Variants in ACTR3C observed in about 807,000 individuals in gnomAD.
ACTR3C encodes actin-related protein 3C.
ACTR3C carries 18 observed loss-of-function variants against 26.3 expected under a neutral mutation model. The observed-to-expected ratio is 0.68, with a 90% CI of 0.47 to 1.01. ACTR3C has a LOEUF of 1.01. Among genes scored for constraint, ACTR3C ranks in the 50% least tolerant of loss-of-function variants. ACTR3C has a pLI of 0.00. For synonymous variants in ACTR3C, 55 were observed against 94.5 expected (o/e 0.58, Z 2.42); for missense variants, 184 against 250.7 (o/e 0.73, Z 1.80).
the ACTR3C span, among the ~76,000 whole-genome samples, chr7:150,035,457 C>CG: frequency 2.1e-5 from 2 of 96,804 alleles, no homozygotes; most frequent in African/African-American, 8.1e-5. Context: ...GGGGTGCCTC[C>CG]CCCGTTGCGA....
the ACTR3C span, among the ~76,000 whole-genome samples, chr7:149,946,593 G>A: frequency 5.0e-3 from 759 of 152,254 alleles, 8 homozygotes; most frequent in African/African-American, 0.018. Context: ...AGTCAAGGTG[G>A]GTGCCCAAGT....
chr7:150,009,502 AT>A, the ACTR3C span, among the ~76,000 whole-genome samples: 3 of 152,366 alleles, frequency 2.0e-5, no homozygotes, highest in South Asian at 6.2e-4. Flanking sequence ...ATATGTCTGT[AT>A]TTAATAATCC....
At chr7:150,041,519 GGGTCTGGCTCTC>G in the ACTR3C span, 2 of 219,120 alleles carry the variant, frequency 9.1e-6, no homozygotes, top group African/African-American at 4.9e-5. Context: ...GGGGGGAAGA[GGGTCTGGCTCTC>G]AGTCCCCGCC....
At chr7:150,230,769 T>G in the ACTR3C span, among the ~76,000 whole-genome samples, 1 of 152,190 alleles carries the variant, frequency 6.6e-6, no homozygotes, top group East Asian at 1.9e-4. Flanking sequence ...TTTGTGGGCA[T>G]GCAGAGTTGT....
chr7:150,317,079 T>G (rs1207687890), intron 1 of ACTR3C, among the ~76,000 whole-genome samples: 1 of 152,000 alleles, frequency 6.6e-6, no homozygotes, highest in Non-Finnish European at 1.5e-5. Context: ...CTTCATTTAT[T>G]TATTTATTGA....
chr7:149,893,462 T>C, the ACTR3C span, among the ~76,000 whole-genome samples: 1 of 152,220 alleles, frequency 6.6e-6, no homozygotes, highest in African/African-American at 2.4e-5. Flanking sequence ...TGCTAAGTGT[T>C]TCCTTTTGCA....
At chr7:150,280,553 A>G (rs547895953) in intron 6 of ACTR3C, among the ~76,000 whole-genome samples, 1 of 152,282 alleles carries the variant, frequency 6.6e-6, no homozygotes, top group Non-Finnish European at 1.5e-5. Flanking sequence ...TTGCAGTCAG[A>G]AGATGGGCAA....
the ACTR3C span, among the ~76,000 whole-genome samples, chr7:149,989,935 A>C: frequency 6.6e-6 from 1 of 152,034 alleles, no homozygotes; most frequent in Non-Finnish European, 1.5e-5. Flanking sequence ...CATCCTCGCC[A>C]ACACTTGTTA....
At chr7:150,023,109 C>CTA in the ACTR3C span, among the ~76,000 whole-genome samples, 4 of 140,252 alleles carry the variant, frequency 2.9e-5, no homozygotes, top group South Asian at 9.2e-4. Context: ...CTCTTTCTCT[C>CTA]TCTATATATC....
chr7:150,168,142 C>T, the ACTR3C span, among the ~76,000 whole-genome samples: 2 of 150,728 alleles, frequency 1.3e-5, no homozygotes, highest in Non-Finnish European at 2.9e-5. Context: ...CCTTGACCCC[C>T]AGTACCAGTC....
chr7:150,142,877 C>T, the ACTR3C span, among the ~76,000 whole-genome samples: 5 of 151,624 alleles, frequency 3.3e-5, no homozygotes, highest in African/African-American at 1.2e-4. Flanking sequence ...CTCTGTTGCC[C>T]AGGCTGGAGT....
intron 1 of ACTR3C, among the ~76,000 whole-genome samples, chr7:150,311,859 G>A (rs1796355394): frequency 6.6e-6 from 1 of 152,064 alleles, no homozygotes. Flanking sequence ...ACTCTCTCTC[G>A]CCAAAGGAAT....
At chr7:149,948,422 G>A in the ACTR3C span, among the ~76,000 whole-genome samples, 1 of 151,042 alleles carries the variant, frequency 6.6e-6, no homozygotes, top group Non-Finnish European at 1.5e-5. Context: ...AGAGGCAGGT[G>A]GGACTTGGGA....
chr7:149,895,661 C>G, the ACTR3C span, among the ~76,000 whole-genome samples: 1 of 151,742 alleles, frequency 6.6e-6, no homozygotes, highest in Non-Finnish European at 1.5e-5. Context: ...ATAGCAAGAC[C>G]CCATCTCTAA....
chr7:150,213,195 C>T, the ACTR3C span, among the ~76,000 whole-genome samples: 2 of 152,172 alleles, frequency 1.3e-5, no homozygotes, highest in Non-Finnish European at 2.9e-5. Flanking sequence ...AAATTCCCTT[C>T]TTAGCAGGAC....
the ACTR3C span, among the ~76,000 whole-genome samples, chr7:149,947,803 T>C: frequency 6.9e-6 from 1 of 144,890 alleles, no homozygotes; most frequent in Non-Finnish European, 1.5e-5. Context: ...ATTGGAGGGA[T>C]GAAGCTCCCT....
At chr7:149,963,939 C>T in the ACTR3C span, among the ~76,000 whole-genome samples, 12 of 152,186 alleles carry the variant, frequency 7.9e-5, no homozygotes, top group African/African-American at 1.4e-4. Flanking sequence ...ATGAATCCAA[C>T]GGACAACGAT....
chr7:150,162,784 T>C, the ACTR3C span, among the ~76,000 whole-genome samples: 16 of 152,292 alleles, frequency 1.1e-4, no homozygotes, highest in African/African-American at 3.6e-4. Context: ...CCTAGAGATA[T>C]TAAAATATAG....
chr7:150,276,246 TAA>T lies in ACTR3C; in HGVS notation c.564+8505_564+8506del, dbSNP rs989106897. 3.3e-5 allele frequency among the ~76,000 whole-genome samples: 5 copies of T among 152,234 alleles called. No individual in the cohort carries two copies. The East Asian group carries it at 5.8e-4, about 18-fold the overall frequency. ...ACAAAAATTTTCATTCCTGTAATAC[TAA>T]GAGGCTCTCTTAACTCCATTTAACA... On this transcript the variant is annotated intron_variant, in intron 6 of 7. Coordinates refer to ENST00000683684, the MANE Select transcript of ACTR3C (RefSeq NM_001164458.2).
Sources: allele counts gnomAD v4.1 joint callset (sites outside exome capture counted in the v4.1 genomes callset), GRCh38; gene constraint gnomAD v4.1.1; transcripts MANE v1.5; gene names NCBI Gene and HGNC (gene_info 2026-07-23, HGNC 2026-07-21).